Variants in TRIOBP observed in about 807,000 individuals in gnomAD.
The protein encoded by TRIOBP is TRIO and F-actin-binding protein.
Under a neutral mutation model 238.8 loss-of-function variants are expected in TRIOBP, and 169 were observed. The ratio of observed to expected loss-of-function variants is 0.71; its 90% CI spans 0.62 to 0.80. The LOEUF is 0.80. TRIOBP is among the 30% of genes least tolerant of loss of function. The pLI is 0.00. For missense variants in TRIOBP, 2,838 were observed against 3,122.6 expected (o/e 0.91, Z 2.17); for synonymous variants, 1,150 against 1,274.4 (o/e 0.90, Z 2.08).
At chr22:37,702,914 A>G (rs1922734373) in intron 3 of TRIOBP, among the ~76,000 whole-genome samples, 1 of 152,110 alleles carries the variant, frequency 6.6e-6, no homozygotes, top group African/African-American at 2.4e-5. Context: ...AACTGCAGGG[A>G]TTACAGGTGT....
At position 37,725,922 on chromosome 22, in the gene TRIOBP, C is replaced by T. The variant is rs770896071; in HGVS notation, c.3366C>T (p.Ala1122=). The change falls in exon 7 of 24, where the codon GCC becomes GCT. Residue 1122 remains alanine (A), a synonymous_variant. Coordinates refer to ENST00000644935, the MANE Select transcript of TRIOBP (RefSeq NM_001039141.3). The stretch of plus-strand genomic sequence containing the variant: ...TTGGGTACCGAGATGCACCCCGGGC[C>T]TCCTCCCCACCACGCCAGGCCCCAG... The part of the protein sequence containing the change: ...VCIGYRDAPR[A]SSPPRQAPEP... 6.2e-7 allele frequency: 1 copy of T among 1,613,744 alleles called. No homozygotes were observed.
intron 17 of TRIOBP, among the ~76,000 whole-genome samples, chr22:37,763,335 G>C (rs929031185): frequency 2.0e-5 from 3 of 152,198 alleles, no homozygotes; most frequent in African/African-American, 7.2e-5. Flanking sequence ...CGCAGCCAGG[G>C]TGAAGACCGC....
chr22:37,717,845 C>T (rs1158460155), intron 6 of TRIOBP, among the ~76,000 whole-genome samples: 1 of 152,236 alleles, frequency 6.6e-6, no homozygotes, highest in African/African-American at 2.4e-5. Flanking sequence ...CGCCCACACT[C>T]CTCAGCCCTT....
chr22:37,723,184 G>C lies in TRIOBP; in HGVS notation c.629-1G>C, dbSNP rs766809690. 38 of 1,613,710 alleles carry C rather than the reference G, an allele frequency of 2.4e-5. 1 individual carries two copies. In the South Asian group the frequency reaches 3.1e-4, roughly 13 times the overall value. ...CTTGAGCCCCTCTCTTCTCTCTCCA[G>C]ACACCGGCGGTGGGGGCCGGAGCGC... On this transcript the variant is annotated splice_acceptor_variant, in intron 6 of 23. Coordinates refer to ENST00000644935, the MANE Select transcript of TRIOBP (RefSeq NM_001039141.3). LOFTEE classifies it high-confidence loss of function.
chr22:37,730,501 T>C (rs965636536), intron 7 of TRIOBP, among the ~76,000 whole-genome samples: 1 of 152,130 alleles, frequency 6.6e-6, no homozygotes, highest in Admixed American at 6.5e-5. Context: ...ACTATTGTCC[T>C]CCTGGTCCTC....
At chr22:37,722,270 A>G (rs1923869493) in intron 6 of TRIOBP, among the ~76,000 whole-genome samples, 1 of 152,114 alleles carries the variant, frequency 6.6e-6, no homozygotes, top group Non-Finnish European at 1.5e-5. Context: ...TCTACTAAAA[A>G]CACAAAAATG....
chr22:37,763,933 G>A (rs954854809), intron 17 of TRIOBP, among the ~76,000 whole-genome samples: 9 of 152,198 alleles, frequency 5.9e-5, no homozygotes, highest in Admixed American at 1.3e-4. Flanking sequence ...TCTGGTGGCC[G>A]TCCGCGTCCC....
At chr22:37,765,577 A>G (rs527248415) in intron 17 of TRIOBP, 93 bp from the exon 18 acceptor site, 60 of 1,516,574 alleles carry the variant, frequency 4.0e-5, no homozygotes, top group Non-Finnish European at 5.2e-5. Flanking sequence ...GAGGTGGTGT[A>G]CCTGCCCCTG....
At chr22:37,740,398 C>T (rs1215328214) in intron 10 of TRIOBP, among the ~76,000 whole-genome samples, 2 of 152,168 alleles carry the variant, frequency 1.3e-5, no homozygotes, top group Admixed American at 1.3e-4. Flanking sequence ...AACCTAACGC[C>T]CTGAAGGCCA....
intron 3 of TRIOBP, among the ~76,000 whole-genome samples, chr22:37,708,538 C>T (rs940130289): frequency 2.6e-5 from 4 of 152,146 alleles, no homozygotes; most frequent in Admixed American, 6.5e-5. Flanking sequence ...GCTATAAGAG[C>T]GAGACTCTGT....
chr22:37,754,371 A>C (rs1300734892), intron 12 of TRIOBP, among the ~76,000 whole-genome samples: 2 of 144,098 alleles, frequency 1.4e-5, no homozygotes, highest in Non-Finnish European at 3.0e-5. Context: ...TGGAGATTGC[A>C]CCATTGCACT....
intron 11 of TRIOBP, among the ~76,000 whole-genome samples, chr22:37,742,286 T>TA (rs1267164130): frequency 2.7e-5 from 3 of 112,506 alleles, no homozygotes; most frequent in East Asian, 3.0e-4. Context: ...TAAATTAAGA[T>TA]AGAGTCTCGT....
At position 37,740,914 on chromosome 22, in the gene TRIOBP, AG is replaced by A; in HGVS notation, c.5207del (p.Gly1736AlafsTer12). ...QADSADKRPA[E>X]GKAGSPLKGR... ...TGACAGGCAGACAAGAGGCCAGCAG[AG>A]GGCAAGGCTGGGAGCCCGCTCAAGG... On this transcript the variant is annotated frameshift_variant, in exon 11 of 24. Coordinates refer to ENST00000644935, the MANE Select transcript of TRIOBP (RefSeq NM_001039141.3). LOFTEE classifies it high-confidence loss of function. 1.3e-6 allele frequency: 2 copies of A among 1,574,982 alleles called. No homozygotes were observed. The highest frequency in any genetic ancestry group is 1.9e-5 in the Admixed American group (1 of 52,762).
intron 17 of TRIOBP, among the ~76,000 whole-genome samples, chr22:37,761,021 A>G (rs929750543): frequency 3.3e-5 from 5 of 151,832 alleles, no homozygotes; most frequent in African/African-American, 9.7e-5. Flanking sequence ...TCTAGGCCCT[A>G]GGCAGGAGGA....
At chr22:37,702,843 A>G (rs1922730903) in intron 3 of TRIOBP, among the ~76,000 whole-genome samples, 1 of 151,286 alleles carries the variant, frequency 6.6e-6, no homozygotes, top group Non-Finnish European at 1.5e-5. Flanking sequence ...GGATCTCACT[A>G]TGTTGCCAGG....
At position 37,735,376 on chromosome 22, in the gene TRIOBP, C is replaced by T; in HGVS notation, c.5040C>T (p.Gly1680=). ...TRGPATATLA[G]LEQTGPLGSR... ...GACCAGCGACCGCAACTCTGGCAGG[C>T]CTGGAGCAGACGGGCCCCCTGGGGA... Residue 1680 remains glycine, a synonymous_variant, in exon 9 of 24, where the codon GGC becomes GGT. Transcript: ENST00000644935. The T allele has an allele frequency of 6.2e-7, 1 of 1,610,462 alleles. No homozygotes were observed. Among genetic ancestry groups the T allele is most frequent in the Non-Finnish European group, 8.5e-7 (1 of 1,178,704 alleles).
At chr22:37,712,475 G>T (rs1923301212) in intron 4 of TRIOBP, among the ~76,000 whole-genome samples, 1 of 152,040 alleles carries the variant, frequency 6.6e-6, no homozygotes, top group South Asian at 2.1e-4. Context: ...GGGATTACAG[G>T]TGTGTGCCAC....
intron 4 of TRIOBP, among the ~76,000 whole-genome samples, chr22:37,712,996 A>T (rs1198371919): frequency 6.8e-6 from 1 of 146,500 alleles, no homozygotes; most frequent in East Asian, 2.0e-4. Flanking sequence ...AAATAAATAA[A>T]TAATAAAATT....
intron 3 of TRIOBP, 81 bp from the exon 4 acceptor site, chr22:37,710,346 C>T (rs1232142780): frequency 9.4e-6 from 15 of 1,589,360 alleles, no homozygotes; most frequent in African/African-American, 1.3e-5. Context: ...GAGACTCCCA[C>T]GCCACCGGGA....
Sources: gnomAD v4.1 joint callset for allele counts (sites outside exome capture counted in the v4.1 genomes callset) on GRCh38, gnomAD v4.1.1 for gene constraint, MANE v1.5 for transcripts, NCBI Gene and HGNC (gene_info 2026-07-23, HGNC 2026-07-21) for gene names.